ATRNL1: variants seen among roughly 807,000 people sequenced by gnomAD.
ATRNL1 encodes the protein attractin-like protein 1.
A neutral mutation model predicts 182.7 loss-of-function variants in ATRNL1; 95 were observed. That is an observed-to-expected ratio of 0.52 (90% CI 0.44 to 0.62). The LOEUF is 0.62. Ranked by LOEUF, ATRNL1 falls within the 20% of genes least tolerant of loss-of-function variation. The pLI is 0.00. For missense variants in ATRNL1, 1,471 were observed against 1,679.5 expected, an observed-to-expected ratio of 0.88 and a Z score of 2.17; for synonymous variants, 576 against 568.3, an observed-to-expected ratio of 1.01 and a Z score of -0.19.
intron 26 of ATRNL1, among the ~76,000 whole-genome samples, chr10:115,700,288 A>C (rs1946691813): frequency 6.6e-6 from 1 of 152,110 alleles, no homozygotes; most frequent in Admixed American, 6.6e-5. Flanking sequence ...TGGCTGAGCT[A>C]ATTTACACTC....
chr10:115,674,650 C>G (rs146577340), intron 26 of ATRNL1, among the ~76,000 whole-genome samples: 2,434 of 152,144 alleles, frequency 0.016, 33 homozygotes, highest in South Asian at 0.022. Context: ...CATTTATAGA[C>G]TTTCTTCAAA....
intron 26 of ATRNL1, among the ~76,000 whole-genome samples, chr10:115,565,188 C>T (rs1854004490): frequency 6.6e-6 from 1 of 151,948 alleles, no homozygotes; most frequent in Non-Finnish European, 1.5e-5. Flanking sequence ...ATGGCTCTAA[C>T]TCAAGTTTAT....
chr10:115,354,929 G>GT (rs1564946432), intron 19 of ATRNL1, among the ~76,000 whole-genome samples: 2 of 151,398 alleles, frequency 1.3e-5, no homozygotes, highest in African/African-American at 4.9e-5. Flanking sequence ...AAATATTTCC[G>GT]TTTTTGCTTG....
At chr10:115,815,128 T>C (rs919651905) in intron 27 of ATRNL1, among the ~76,000 whole-genome samples, 12 of 152,124 alleles carry the variant, frequency 7.9e-5, no homozygotes, top group African/African-American at 2.9e-4. Context: ...TCCTAGGTGA[T>C]GGTAGTATGA....
chr10:115,644,507 T>C (rs1859473599), intron 26 of ATRNL1, among the ~76,000 whole-genome samples: 1 of 152,144 alleles, frequency 6.6e-6, no homozygotes, highest in Non-Finnish European at 1.5e-5. Context: ...ACATTTTGGA[T>C]TCAGATCTAT....
chr10:115,356,531 G>A (rs1367462366), intron 19 of ATRNL1, among the ~76,000 whole-genome samples: 1 of 151,954 alleles, frequency 6.6e-6, no homozygotes, highest in Admixed American at 6.6e-5. Context: ...GTTTGGCCCT[G>A]ATGTCAGATA....
At chr10:115,360,048 A>G (rs1213141769) in intron 19 of ATRNL1, among the ~76,000 whole-genome samples, 1 of 151,720 alleles carries the variant, frequency 6.6e-6, no homozygotes, top group African/African-American at 2.4e-5. Flanking sequence ...AATTATTCAC[A>G]TATGATATTT....
chr10:115,338,579 A>AT (rs1182907585), intron 19 of ATRNL1, among the ~76,000 whole-genome samples: 1 of 151,784 alleles, frequency 6.6e-6, no homozygotes, highest in African/African-American at 2.4e-5. Flanking sequence ...GGATTATTAG[A>AT]TTTTTTTCTG....
chr10:115,799,203 C>T (rs561198736), intron 27 of ATRNL1, among the ~76,000 whole-genome samples: 224 of 152,248 alleles, frequency 1.5e-3, no homozygotes, highest in Non-Finnish European at 2.4e-3. Context: ...ACAATATGGA[C>T]TTAATACATG....
At chr10:115,139,364 G>T (rs1592154459) in intron 5 of ATRNL1, among the ~76,000 whole-genome samples, 1 of 152,126 alleles carries the variant, frequency 6.6e-6, no homozygotes, top group East Asian at 1.9e-4. Flanking sequence ...TCACACTGCT[G>T]ATAAAGACAT....
chr10:115,424,168 T>C (rs952002600), intron 20 of ATRNL1, among the ~76,000 whole-genome samples: 1 of 152,050 alleles, frequency 6.6e-6, no homozygotes, highest in Admixed American at 6.6e-5. Flanking sequence ...CTCACTGATA[T>C]AAGAAGAAGA....
chr10:115,896,689 G>A (rs572098129), intron 28 of ATRNL1, among the ~76,000 whole-genome samples: 1 of 152,224 alleles, frequency 6.6e-6, no homozygotes, highest in East Asian at 1.9e-4. Flanking sequence ...AATATATGTG[G>A]TAATTTAGTG....
At chr10:115,642,439 G>C (rs1859312492) in intron 26 of ATRNL1, among the ~76,000 whole-genome samples, 2 of 99,604 alleles carry the variant, frequency 2.0e-5, no homozygotes, top group African/African-American at 7.3e-5. Context: ...AAATTCTAGT[G>C]CTTTTTTTTT....
chr10:115,802,060 CAG>C (rs200141339), intron 27 of ATRNL1, among the ~76,000 whole-genome samples: 1,371 of 33,584 alleles, frequency 0.041, 26 homozygotes, highest in African/African-American at 0.083. Context: ...CAAAAAAAAA[CAG>C]AATTTCTACC....
intron 1 of ATRNL1, among the ~76,000 whole-genome samples, chr10:115,110,138 T>C (rs1554867528): frequency 6.6e-6 from 1 of 152,172 alleles, no homozygotes. Flanking sequence ...TTTCCAAAAA[T>C]ATAGAAATAA....
In ATRNL1 at chr10:115,127,706, T is replaced by G; in HGVS notation, c.605T>G (p.Phe202Cys). Residue 202 changes from phenylalanine (F) to cysteine (C), a missense_variant, in exon 4 of 29, where the codon TTC becomes TGC. Physicochemically the swap from Phe to Cys is radical, Grantham distance 205. Around this residue, in one of 3 missense-constraint regions of ATRNL1, gnomAD observed 1,031 missense variants for 1,156.0 expected, o/e 0.89. Coordinates refer to ENST00000355044, the MANE Select transcript of ATRNL1 (RefSeq NM_207303.4). ...FSDAAYNLTG[F>C]NIFYSINSCP... ...GATGCTGCGTATAATCTAACTGGTTTCAACATTTTCTATTCGTAAGTATTT... is the reference window on the plus strand; with the variant it reads ...GATGCTGCGTATAATCTAACTGGTTGCAACATTTTCTATTCGTAAGTATTT... The G allele has an allele frequency of 6.9e-7, 1 of 1,459,366 alleles. No homozygotes were observed. The highest frequency in any genetic ancestry group is 9.1e-7 in the Non-Finnish European group (1 of 1,101,568). 90.4% of individuals were successfully genotyped at this position (1,459,366 alleles called of 1,614,324 possible). A position where few individuals can be genotyped will look rare whatever the true frequency, so the allele number is the denominator to read the frequency against.
chr10:115,313,569 T>C (rs1390296256), intron 17 of ATRNL1, among the ~76,000 whole-genome samples: 1 of 152,202 alleles, frequency 6.6e-6, no homozygotes, highest in African/African-American at 2.4e-5. Context: ...TTTATTTATT[T>C]ATTTATTCTT....
At chr10:115,339,359 A>G (rs1364149523) in intron 19 of ATRNL1, among the ~76,000 whole-genome samples, 1 of 151,704 alleles carries the variant, frequency 6.6e-6, no homozygotes, top group African/African-American at 2.4e-5. Flanking sequence ...GATTCTTCCA[A>G]TGCATTTTTG....
At chr10:115,892,072 C>T (rs1187310182) in intron 28 of ATRNL1, among the ~76,000 whole-genome samples, 2 of 152,060 alleles carry the variant, frequency 1.3e-5, no homozygotes, top group African/African-American at 2.4e-5. Flanking sequence ...CTGCTGAAAC[C>T]GTTTCAAATA....
Sources: allele counts gnomAD v4.1 joint callset (sites outside exome capture counted in the v4.1 genomes callset), GRCh38; gene constraint gnomAD v4.1.1; regional missense constraint gnomAD v4.1.1; transcripts MANE v1.5; gene names NCBI Gene and HGNC (gene_info 2026-07-23, HGNC 2026-07-21).